NSD1: variants seen among roughly 807,000 people sequenced by gnomAD.
NSD1 encodes the protein histone-lysine N-methyltransferase, H3 lysine-36 specific.
A neutral mutation model predicts 242.7 loss-of-function variants in NSD1; 26 were observed. The observed-to-expected ratio is 0.11, with a 90% CI of 0.08 to 0.15. The LOEUF (loss-of-function observed/expected upper bound fraction) is 0.15. NSD1 is among the 10% of genes least tolerant of loss of function. The pLI is 1.00. For synonymous variants in NSD1, 1,106 were observed against 1,178.1 expected (o/e 0.94, Z 1.25); for missense variants, 2,495 against 3,272.8 (o/e 0.76, Z 5.80).
At chr5:177,212,330 AAGG>A (rs1763411816) in intron 5 of NSD1, 135 bp downstream of exon 5, 3 of 870,406 alleles carry the variant, frequency 3.4e-6, no homozygotes, top group African/African-American at 1.7e-5. Context: ...TTCAATGAAG[AAGG>A]AGTTTTATGT....
At chr5:177,177,929 C>G (rs1760339969) in intron 2 of NSD1, among the ~76,000 whole-genome samples, 1 of 152,180 alleles carries the variant, frequency 6.6e-6, no homozygotes, top group Non-Finnish European at 1.5e-5. Flanking sequence ...GAATCTTGCT[C>G]TGTCGCCCAG....
At chr5:177,241,787 C>T (rs1211587772) in intron 8 of NSD1, among the ~76,000 whole-genome samples, 1 of 152,138 alleles carries the variant, frequency 6.6e-6, no homozygotes, top group Non-Finnish European at 1.5e-5. Flanking sequence ...GTCCTGGTTA[C>T]TCTGAGGTAT....
chr5:177,241,488 G>C (rs1425476405), intron 8 of NSD1, among the ~76,000 whole-genome samples: 1 of 151,622 alleles, frequency 6.6e-6, no homozygotes, highest in Non-Finnish European at 1.5e-5. Context: ...CTAGGCGACA[G>C]AGCGAGACTC....
chr5:177,288,075 T>C (rs1759477651), intron 20 of NSD1, among the ~76,000 whole-genome samples: 1 of 152,238 alleles, frequency 6.6e-6, no homozygotes, highest in Non-Finnish European at 1.5e-5. Flanking sequence ...AAAATTCTTA[T>C]ATTTGGTAGG....
chr5:177,199,756 C>T (rs1394695964), intron 3 of NSD1, among the ~76,000 whole-genome samples: 4 of 151,876 alleles, frequency 2.6e-5, no homozygotes, highest in Non-Finnish European at 1.5e-5. Context: ...CCTGCCACCA[C>T]GCCCGGCTAA....
rs1455679292 is a variant in NSD1, at chr5:177,269,060, A to T, written c.5304-542A>T. Among the ~76,000 whole-genome samples the T allele has an allele frequency of 2.0e-5, 3 of 152,276 alleles. No homozygotes were observed. Among genetic ancestry groups the T allele is most frequent in the South Asian group, 2.1e-4 (1 of 4,824 alleles). Reference sequence around the variant, plus strand: ...GTAGATAGAGGTTTCCAGCTTTAATAGGTAGTGCCAAATTGTCTCCCTAAA... The same window carrying T: ...GTAGATAGAGGTTTCCAGCTTTAATTGGTAGTGCCAAATTGTCTCCCTAAA... On this transcript the variant is annotated intron_variant, in intron 15 of 22. Coordinates refer to ENST00000439151, the MANE Select transcript of NSD1 (RefSeq NM_022455.5). This position sits in a 1 kb window ranked among gnomAD's most constrained non-coding sequence, Gnocchi z 5.1.
chr5:177,260,786 C>A (rs1460118384), intron 14 of NSD1, among the ~76,000 whole-genome samples: 7 of 150,812 alleles, frequency 4.6e-5, no homozygotes, highest in Non-Finnish European at 7.4e-5. Context: ...ATCTCACCAT[C>A]AGAAAAAAAA....
Position 177,211,675 on chromosome 5 carries a change from G to C in NSD1, c.3276G>C (p.Gln1092His). 1 of 1,614,132 alleles carries C rather than the reference G, an allele frequency of 6.2e-7. No homozygotes were observed. The highest frequency in any genetic ancestry group is 1.1e-5 in the South Asian group (1 of 91,078). Residue 1092 changes from glutamine (Q) to histidine (H), a missense_variant, in exon 5 of 23, where the codon CAG (glutamine) becomes CAC (histidine). Coordinates refer to ENST00000439151, the MANE Select transcript of NSD1 (RefSeq NM_022455.5). ...ATCCTAGTAAAGAGGATCCCCTTCA[G>C]ATAATGGGCCACTTAACAAGTGAAG... ...AEDPSKEDPL[Q>H]IMGHLTSEDG...
intron 12 of NSD1, among the ~76,000 whole-genome samples, chr5:177,253,408 CATT>C (rs1174963347): frequency 1.1e-4 from 16 of 152,088 alleles, no homozygotes; most frequent in Admixed American, 1.3e-4. Context: ...CATCACTCAG[CATT>C]ATTATTTTGA....
At chr5:177,183,168 TA>T (rs1475579388) in intron 2 of NSD1, among the ~76,000 whole-genome samples, 1 of 152,212 alleles carries the variant, frequency 6.6e-6, no homozygotes, top group African/African-American at 2.4e-5. Context: ...TTTAGCACTA[TA>T]TATTTTTTCC....
chr5:177,220,554 T>C (rs925989585), intron 5 of NSD1, among the ~76,000 whole-genome samples: 1 of 148,874 alleles, frequency 6.7e-6, no homozygotes, highest in Non-Finnish European at 1.5e-5. Context: ...TTTTTTCTTA[T>C]AGTAATTGCT....
chr5:177,261,922 A>ATTTTAAAAAATATATATAT (rs1757026665), intron 14 of NSD1, among the ~76,000 whole-genome samples: 1 of 152,218 alleles, frequency 6.6e-6, no homozygotes. Context: ...AATTTTAAAA[A>ATTTTAAAAAATATATATAT]GAGTCAATAT....
chr5:177,233,512 A>G (rs143745079), intron 5 of NSD1, among the ~76,000 whole-genome samples: 3,429 of 146,798 alleles, frequency 0.023, 53 homozygotes, highest in South Asian at 0.055. Context: ...CGCATTATAG[A>G]CATGAGCCAC....
chr5:177,229,066 G>A (rs919911762), intron 5 of NSD1, among the ~76,000 whole-genome samples: 2 of 151,106 alleles, frequency 1.3e-5, no homozygotes, highest in African/African-American at 2.4e-5. Context: ...TTCTCATTTG[G>A]TATATTTTTC....
intron 21 of NSD1, among the ~76,000 whole-genome samples, chr5:177,291,483 T>C (rs1018164328): frequency 6.6e-6 from 1 of 152,050 alleles, no homozygotes; most frequent in Non-Finnish European, 1.5e-5. Flanking sequence ...TGAAAACCCG[T>C]CTCTACTAAA....
chr5:177,191,866 T>C lies in NSD1; in HGVS notation c.928-18T>C. ...TATTTTGATTCTTATTGATGCCCCA[T>C]GTTTTGTCTGTCTAAAGTGTCAACC... is the stretch of plus-strand genomic sequence containing the variant. On this transcript the variant is annotated intron_variant, in intron 2 of 22. Coordinates refer to ENST00000439151, the MANE Select transcript of NSD1 (RefSeq NM_022455.5). 6.2e-7 allele frequency: 1 copy of C among 1,613,536 alleles called. No homozygotes were observed. Among genetic ancestry groups the C allele is most frequent in the Non-Finnish European group, 8.5e-7 (1 of 1,179,552 alleles).
At chr5:177,278,936 C>G (rs1414894313) in intron 17 of NSD1, among the ~76,000 whole-genome samples, 1 of 152,224 alleles carries the variant, frequency 6.6e-6, no homozygotes, top group Non-Finnish European at 1.5e-5. Context: ...ACATTAATGG[C>G]TTTGGTGTCA....
intron 5 of NSD1, among the ~76,000 whole-genome samples, chr5:177,213,555 C>A (rs1763527212): frequency 6.6e-6 from 1 of 152,166 alleles, no homozygotes; most frequent in African/African-American, 2.4e-5. Flanking sequence ...GCAGGCTCCG[C>A]CTCCCGGGTT....
intron 5 of NSD1, among the ~76,000 whole-genome samples, chr5:177,218,812 G>A (rs1764003480): frequency 1.3e-5 from 2 of 150,874 alleles, no homozygotes; most frequent in South Asian, 4.2e-4. Flanking sequence ...CTTGTGATCC[G>A]CCCTCCTCGG....
Sources: gnomAD v4.1 joint callset for allele counts (sites outside exome capture counted in the v4.1 genomes callset) on GRCh38, gnomAD v4.1.1 for gene constraint, Gnocchi (gnomAD v3.1) non-coding constraint, MANE v1.5 for transcripts, NCBI Gene and HGNC (gene_info 2026-07-23, HGNC 2026-07-21) for gene names.